The following ENOX1 variants were observed in gnomAD, a reference collection of about 807,000 sequenced individuals.
ENOX1 encodes ecto-NOX disulfide-thiol exchanger 1, also known as candidate growth-related and time keeping constitutive hydroquinone (NADH) oxidase.
A neutral mutation model predicts 82.5 loss-of-function variants in ENOX1; 42 were observed. The ratio of observed to expected loss-of-function variants is 0.51; its 90% CI spans 0.40 to 0.66. ENOX1 has a LOEUF of 0.66. Among genes scored for constraint, ENOX1 ranks in the 30% least tolerant of loss-of-function variants. The probability of loss-of-function intolerance (pLI) is 0.00; values close to 1 mark genes in which losing one functional copy is unlikely to be tolerated. For missense variants in ENOX1, 608 were observed against 811.6 expected (o/e 0.75, Z 3.05); for synonymous variants, 271 against 282.2 (o/e 0.96, Z 0.40).
At chr13:43,573,762 C>T (rs1209596803) in intron 2 of ENOX1, among the ~76,000 whole-genome samples, 1 of 152,126 alleles carries the variant, frequency 6.6e-6, no homozygotes, top group Non-Finnish European at 1.5e-5. Flanking sequence ...CACCTCCAAA[C>T]TGGAAAAAAA....
intron 9 of ENOX1, among the ~76,000 whole-genome samples, chr13:43,328,984 C>G (rs534376541): frequency 1.4e-4 from 22 of 152,300 alleles, no homozygotes; most frequent in African/African-American, 5.3e-4. Flanking sequence ...AAGAGAGGTG[C>G]AGATGACAGC....
At chr13:43,778,220 C>A (rs1952039017) in intron 1 of ENOX1, among the ~76,000 whole-genome samples, 1 of 152,224 alleles carries the variant, frequency 6.6e-6, no homozygotes, top group Non-Finnish European at 1.5e-5. Context: ...TATCTTATTT[C>A]ATATCTTCTA....
At position 43,785,071 on chromosome 13, in the gene ENOX1, C is replaced by A. The variant is rs571817078; in HGVS notation, c.-285+1581G>T. ...GTTTAACGCATCTCCTCCAAGAGGG[C>A]TTTCACTTTTTCAAACTCATTATCA... On this transcript the variant is annotated intron_variant, in intron 1 of 16. Transcript: ENST00000690772. Among the ~76,000 whole-genome samples, 75 of 152,320 alleles carry A rather than the reference C, an allele frequency of 4.9e-4. 1 individual carries two copies. Among genetic ancestry groups the A allele is most frequent in the African/African-American group, 1.7e-3 (69 of 41,570 alleles).
chr13:43,314,305 A>AGTATC (rs1290701058), intron 11 of ENOX1, among the ~76,000 whole-genome samples: 19 of 152,322 alleles, frequency 1.2e-4, no homozygotes, highest in African/African-American at 4.1e-4. Flanking sequence ...AGGGCTTCTA[A>AGTATC]GTATCATATA....
At chr13:43,621,313 T>G (rs1393778119) in intron 2 of ENOX1, among the ~76,000 whole-genome samples, 2 of 152,196 alleles carry the variant, frequency 1.3e-5, no homozygotes, top group Non-Finnish European at 2.9e-5. Flanking sequence ...TTTTGTTTTT[T>G]TGCTTTTTAA....
At chr13:43,238,299 T>A (rs1427836863) in intron 14 of ENOX1, among the ~76,000 whole-genome samples, 7 of 152,186 alleles carry the variant, frequency 4.6e-5, no homozygotes, top group African/African-American at 1.4e-4. Context: ...AATTTTAAAA[T>A]AGAACAAATC....
chr13:43,373,721 C>T (rs182691018), intron 5 of ENOX1, among the ~76,000 whole-genome samples: 6 of 152,310 alleles, frequency 3.9e-5, no homozygotes, highest in African/African-American at 1.4e-4. Context: ...TGTTGTTTTG[C>T]ATTTTAATTT....
At chr13:43,647,971 G>C (rs1414997934) in intron 2 of ENOX1, among the ~76,000 whole-genome samples, 1 of 152,186 alleles carries the variant, frequency 6.6e-6, no homozygotes, top group Non-Finnish European at 1.5e-5. Context: ...GAATGTGTGT[G>C]ACCTGTAGAA....
intron 2 of ENOX1, among the ~76,000 whole-genome samples, chr13:43,664,919 T>A (rs9533575): frequency 0.063 from 9,522 of 152,308 alleles, 413 homozygotes; most frequent in Non-Finnish European, 0.095. Context: ...ATCTTATAAA[T>A]CCACTGCTGT....
chr13:43,700,644 T>G (rs1215109631), intron 1 of ENOX1, among the ~76,000 whole-genome samples: 10 of 152,112 alleles, frequency 6.6e-5, no homozygotes, highest in African/African-American at 1.9e-4. Flanking sequence ...AATGTTGAAA[T>G]CCCAAAGGAT....
intron 1 of ENOX1, among the ~76,000 whole-genome samples, chr13:43,675,725 G>A (rs2085477226): frequency 6.6e-6 from 1 of 152,094 alleles, no homozygotes; most frequent in Non-Finnish European, 1.5e-5. Flanking sequence ...GCACTGAAAG[G>A]AGGGGCCCGG....
At chr13:43,604,269 A>G (rs903007953) in intron 2 of ENOX1, among the ~76,000 whole-genome samples, 2 of 151,732 alleles carry the variant, frequency 1.3e-5, no homozygotes, top group Non-Finnish European at 1.5e-5. Context: ...AGTTCATTGT[A>G]GATTCTGGAT....
intron 2 of ENOX1, among the ~76,000 whole-genome samples, chr13:43,503,279 G>T (rs1043547118): frequency 6.6e-5 from 10 of 151,604 alleles, no homozygotes; most frequent in Non-Finnish European, 1.0e-4. Context: ...AAAATATTTT[G>T]ATTTGAAGAA....
intron 2 of ENOX1, among the ~76,000 whole-genome samples, chr13:43,533,868 G>T (rs185499523): frequency 1.2e-3 from 180 of 152,224 alleles, no homozygotes; most frequent in African/African-American, 4.2e-3. Flanking sequence ...TTATGGAGGC[G>T]TTTGAGCACC....
chr13:43,309,421 A>G (rs1025283002), intron 11 of ENOX1, among the ~76,000 whole-genome samples: 5 of 151,630 alleles, frequency 3.3e-5, no homozygotes, highest in East Asian at 1.9e-4. Flanking sequence ...CCATTCTAAC[A>G]CTCTTACCAC....
intron 12 of ENOX1, among the ~76,000 whole-genome samples, chr13:43,275,390 G>C (rs2044952297): frequency 6.6e-6 from 1 of 152,170 alleles, no homozygotes; most frequent in Non-Finnish European, 1.5e-5. Flanking sequence ...AAATACATCA[G>C]CCACATCTTG....
At chr13:43,588,178 T>C (rs2081079766) in intron 2 of ENOX1, among the ~76,000 whole-genome samples, 1 of 152,242 alleles carries the variant, frequency 6.6e-6, no homozygotes, top group Non-Finnish European at 1.5e-5. Flanking sequence ...CATTTTCTCA[T>C]ATTGACCTAG....
intron 13 of ENOX1, among the ~76,000 whole-genome samples, chr13:43,267,173 GTTC>G (rs1441814443): frequency 1.3e-5 from 2 of 152,222 alleles, no homozygotes; most frequent in East Asian, 1.9e-4. Context: ...CTGCTGCTTT[GTTC>G]TTCTCTCTGC....
At chr13:43,547,168 C>A (rs1036946659) in intron 2 of ENOX1, 9 of 152,304 alleles carry the variant, frequency 5.9e-5, no homozygotes, top group African/African-American at 2.2e-4. Context: ...GAGAGTTCCA[C>A]CCCAGGTTCA....
Sources: allele counts gnomAD v4.1 joint callset (sites outside exome capture counted in the v4.1 genomes callset), GRCh38; gene constraint gnomAD v4.1.1; transcripts MANE v1.5; gene names NCBI Gene and HGNC (gene_info 2026-07-23, HGNC 2026-07-21).